The following CLASP1 variants were observed in gnomAD, a reference collection of about 807,000 sequenced individuals.
CLASP1 encodes the protein cytoplasmic linker associated protein 1, also known as CLIP-associating protein 1.
A neutral mutation model predicts 192.3 loss-of-function variants in CLASP1; 38 were observed. The observed-to-expected ratio is 0.20, with a 90% CI of 0.15 to 0.26. The LOEUF is 0.26. Among genes scored for constraint, CLASP1 ranks in the 10% least tolerant of loss-of-function variants. The pLI, the probability that CLASP1 is intolerant of heterozygous loss-of-function variation, is 1.00. For synonymous variants in CLASP1, 691 were observed against 712.8 expected (o/e 0.97, Z 0.49); for missense variants, 1,433 against 1,932.5 (o/e 0.74, Z 4.85).
At chr2:121,407,944 AG>A (rs2077161915) in intron 24 of CLASP1, 1 of 645,836 alleles carries the variant, frequency 1.5e-6, no homozygotes, top group East Asian at 3.1e-5. Flanking sequence ...TATGGCCTCT[AG>A]TAAAGTGCGT....
At chr2:121,434,179 G>A (rs1225126866) in intron 19 of CLASP1, among the ~76,000 whole-genome samples, 1 of 152,148 alleles carries the variant, frequency 6.6e-6, no homozygotes, top group African/African-American at 2.4e-5. Context: ...ACAGTTTTGG[G>A]TTTTCTTGAA....
chr2:121,400,000 C>CA (rs2075911881), intron 28 of CLASP1, among the ~76,000 whole-genome samples: 1 of 152,170 alleles, frequency 6.6e-6, no homozygotes, highest in South Asian at 2.1e-4. Flanking sequence ...CAACCGGCCC[C>CA]AGTCTATCAA....
chr2:121,572,414 C>T (rs1246092933), intron 2 of CLASP1, among the ~76,000 whole-genome samples: 6 of 152,042 alleles, frequency 3.9e-5, no homozygotes, highest in Non-Finnish European at 7.4e-5. Flanking sequence ...GGCAGCAGAG[C>T]GAGACTCCTT....
At chr2:121,366,891 G>A (rs1403751294) in intron 35 of CLASP1, among the ~76,000 whole-genome samples, 1 of 152,170 alleles carries the variant, frequency 6.6e-6, no homozygotes, top group African/African-American at 2.4e-5. Flanking sequence ...ATTCAGTAAT[G>A]GACACTGGTC....
intron 29 of CLASP1, 68 bp from the exon 31 acceptor site, chr2:121,397,351 T>A (rs1022881339): frequency 4.2e-6 from 6 of 1,440,352 alleles, no homozygotes; most frequent in Non-Finnish European, 5.7e-6. Context: ...TCTTATCAGG[T>A]GGCCAGAGAA....
chr2:121,377,711 C>T, intron 33 of CLASP1, 62 bp from the exon 35 acceptor site: 1 of 1,115,924 alleles, frequency 9.0e-7, no homozygotes, highest in Non-Finnish European at 1.2e-6. Context: ...GAGATATGGG[C>T]ATAAGTTACT....
intron 2 of CLASP1, among the ~76,000 whole-genome samples, chr2:121,580,165 C>T (rs1559669987): frequency 6.6e-6 from 1 of 152,084 alleles, no homozygotes; most frequent in Non-Finnish European, 1.5e-5. Flanking sequence ...GAGCAGAATT[C>T]CAAAAGAAAA....
intron 1 of CLASP1, among the ~76,000 whole-genome samples, chr2:121,610,975 G>A (rs1402695000): frequency 1.4e-5 from 2 of 147,184 alleles, no homozygotes; most frequent in Non-Finnish European, 3.0e-5. Context: ...GGAGTTATAG[G>A]AGGAAGAGGA....
At chr2:121,500,084 C>T (rs1043306223) in intron 8 of CLASP1, among the ~76,000 whole-genome samples, 18 of 151,962 alleles carry the variant, frequency 1.2e-4, no homozygotes, top group African/African-American at 4.1e-4. Flanking sequence ...GTAGAAAACC[C>T]CACAGAGGCT....
chr2:121,584,672 T>C (rs2061537002), intron 2 of CLASP1, among the ~76,000 whole-genome samples: 1 of 152,008 alleles, frequency 6.6e-6, no homozygotes, highest in African/African-American at 2.4e-5. Context: ...GTCACCCAGG[T>C]GGGAGTACAC....
chr2:121,498,901 G>T (rs534596330), intron 8 of CLASP1, among the ~76,000 whole-genome samples: 69 of 152,278 alleles, frequency 4.5e-4, no homozygotes, highest in Admixed American at 2.3e-3. Context: ...TGACTATAAT[G>T]AAAAAGATAG....
At chr2:121,398,246 G>T in intron 29 of CLASP1, 76 bp downstream of exon 30, 2 of 1,021,022 alleles carry the variant, frequency 2.0e-6, no homozygotes, top group Non-Finnish European at 3.0e-6. Context: ...GCTAAACATG[G>T]GTCATACATA....
At chr2:121,629,127 C>CAGCCTGTA (rs1287711135) in intron 1 of CLASP1, among the ~76,000 whole-genome samples, 2 of 152,060 alleles carry the variant, frequency 1.3e-5, no homozygotes, top group African/African-American at 4.8e-5. Flanking sequence ...CGCGGTGTCT[C>CAGCCTGTA]AGCCTGTAAT....
At chr2:121,628,325 A>T (rs1157676127) in intron 1 of CLASP1, among the ~76,000 whole-genome samples, 11 of 152,274 alleles carry the variant, frequency 7.2e-5, no homozygotes, top group Admixed American at 3.3e-4. Context: ...TTTTCCTTAA[A>T]ATATCAAAAA....
intron 34 of CLASP1, among the ~76,000 whole-genome samples, chr2:121,375,884 C>T (rs534693749): frequency 6.6e-6 from 1 of 152,018 alleles, no homozygotes; most frequent in Non-Finnish European, 1.5e-5. Flanking sequence ...AAAACTATGT[C>T]CAGAATAAAC....
At chr2:121,570,980 C>T (rs1192689719) in intron 2 of CLASP1, among the ~76,000 whole-genome samples, 2 of 151,850 alleles carry the variant, frequency 1.3e-5, no homozygotes, top group Admixed American at 1.3e-4. Flanking sequence ...CCTTACAGAA[C>T]CATGGCTACA....
chr2:121,365,083 C>G lies in CLASP1; in HGVS notation c.4077+11G>C. The G allele has an allele frequency of 6.2e-7, 1 of 1,613,838 alleles. No homozygotes were observed. On this transcript the variant is annotated intron_variant, in intron 36 of 39. Transcript: ENST00000263710. ...GGAAAGGGGCAAGATAAGGCCAAAC[C>G]AGCATCTCACGTCTTTGTCTCCAAG... is the stretch of plus-strand genomic sequence containing the variant.
At chr2:121,635,359 T>G (rs183584490) in intron 1 of CLASP1, among the ~76,000 whole-genome samples, 18 of 152,340 alleles carry the variant, frequency 1.2e-4, no homozygotes, top group Non-Finnish European at 1.8e-4. Context: ...AAATAATTCC[T>G]TCCTTTGTTT....
At chr2:121,389,867 T>A (rs1382613188) in intron 30 of CLASP1, among the ~76,000 whole-genome samples, 1 of 152,176 alleles carries the variant, frequency 6.6e-6, no homozygotes, top group Non-Finnish European at 1.5e-5. Context: ...AATATACATT[T>A]TTTTATTTTT....
Sources: allele counts gnomAD v4.1 joint callset (sites outside exome capture counted in the v4.1 genomes callset), GRCh38; gene constraint gnomAD v4.1.1; transcripts MANE v1.5; gene names NCBI Gene and HGNC (gene_info 2026-07-23, HGNC 2026-07-21).